Variants in ST6GALNAC3 observed in about 807,000 individuals in gnomAD.
The protein encoded by ST6GALNAC3 is alpha-N-acetylgalactosaminide alpha-2,6-sialyltransferase 3.
In ST6GALNAC3, 25 loss-of-function variants were observed where a neutral mutation model predicts 32.7. The ratio of observed to expected loss-of-function variants is 0.76; its 90% CI spans 0.56 to 1.07. ST6GALNAC3 has a LOEUF of 1.07. ST6GALNAC3 is among the 50% of genes least tolerant of loss of function. ST6GALNAC3 has a pLI of 0.00. For synonymous variants in ST6GALNAC3, 129 were observed against 133.1 expected (o/e 0.97, Z 0.21); for missense variants, 355 against 382.4 (o/e 0.93, Z 0.60).
In ST6GALNAC3 at chr1:76,198,878, T is replaced by C. The variant is rs533446774; in HGVS notation, c.19-114927T>C. On this transcript the variant is annotated intron_variant, in intron 1 of 4. Transcript: ENST00000328299. ...AGCAACTAGAGGGTAGTTGAAACTC[T>C]GGGCAAGGCTAATTAAGAAAGGCTC... Among the ~76,000 whole-genome samples, 60 of 152,232 alleles carry C rather than the reference T, an allele frequency of 3.9e-4. 2 individuals are homozygous for C. The highest frequency in any genetic ancestry group is 1.3e-3 in the African/African-American group (55 of 41,544).
Position 76,372,821 on chromosome 1 carries a change from T to C in ST6GALNAC3, c.214-39187T>C, listed in dbSNP as rs1423437150. On this transcript the variant is annotated intron_variant, in intron 2 of 4. Coordinates refer to ENST00000328299, the MANE Select transcript of ST6GALNAC3 (RefSeq NM_152996.4). ...TGGGAGTGTTACTTCCACACTTTGCTGGGTGGAGCAAACCTATCTCCTCAC... is the reference window on the plus strand; with the variant it reads ...TGGGAGTGTTACTTCCACACTTTGCCGGGTGGAGCAAACCTATCTCCTCAC... Among the ~76,000 whole-genome samples the C allele has an allele frequency of 2.6e-5, 4 of 152,166 alleles. No individual in the cohort carries two copies. The South Asian group carries it at 6.2e-4, about 24-fold the overall frequency.
intron 3 of ST6GALNAC3, among the ~76,000 whole-genome samples, chr1:76,533,319 A>G (rs1030785752): frequency 1.6e-4 from 16 of 100,270 alleles, no homozygotes; most frequent in African/African-American, 6.4e-4. Flanking sequence ...TTCCTTCTCC[A>G]TCTGCTCCTC....
chr1:76,573,663 C>CCT (rs1356676381), intron 3 of ST6GALNAC3, among the ~76,000 whole-genome samples: 1 of 121,522 alleles, frequency 8.2e-6, no homozygotes, highest in Non-Finnish European at 1.6e-5. Flanking sequence ...CCTTTCTTCT[C>CCT]CTTTTTTTTT....
At chr1:76,270,507 CAAAAAAAA>C (rs34410935) in intron 1 of ST6GALNAC3, among the ~76,000 whole-genome samples, 1,310 of 64,200 alleles carry the variant, frequency 0.02, 16 homozygotes, top group Middle Eastern at 0.08. Context: ...AACTCTGTCT[CAAAAAAAA>C]AAAAAAAAAA....
At chr1:76,313,607 G>T in intron 1 of ST6GALNAC3, 198 bp from the exon 2 acceptor site, 1 of 697,082 alleles carries the variant, frequency 1.4e-6, no homozygotes, top group Admixed American at 2.0e-5. Context: ...AAGCAGCTCT[G>T]CTTGCTCTCA....
chr1:76,235,439 C>T (rs72675938), intron 1 of ST6GALNAC3, among the ~76,000 whole-genome samples: 12,089 of 151,930 alleles, frequency 0.08, 1,274 homozygotes, highest in African/African-American at 0.24. Flanking sequence ...CCTGAGAGAT[C>T]GAGGCTGCAG....
chr1:76,115,173 C>T (rs1232189827), intron 1 of ST6GALNAC3, among the ~76,000 whole-genome samples: 1 of 151,958 alleles, frequency 6.6e-6, no homozygotes, highest in African/African-American at 2.4e-5. Flanking sequence ...TATAGGATCC[C>T]TTGTTAGATA....
intron 1 of ST6GALNAC3, among the ~76,000 whole-genome samples, chr1:76,099,747 T>G (rs1647187158): frequency 1.3e-5 from 2 of 152,140 alleles, no homozygotes; most frequent in Admixed American, 1.3e-4. Flanking sequence ...CAGAGATCAC[T>G]AAACCACATC....
At chr1:76,357,169 C>T (rs1320941207) in intron 2 of ST6GALNAC3, among the ~76,000 whole-genome samples, 2 of 105,182 alleles carry the variant, frequency 1.9e-5, no homozygotes, top group Admixed American at 1.4e-4. Context: ...GAGTCTTACT[C>T]TGTTACCCAG....
chr1:76,486,600 A>T (rs1660132381), intron 3 of ST6GALNAC3, among the ~76,000 whole-genome samples: 1 of 151,602 alleles, frequency 6.6e-6, no homozygotes, highest in Admixed American at 6.6e-5. Context: ...CCATCCCTTT[A>T]TTTTGAGCCT....
intron 3 of ST6GALNAC3, among the ~76,000 whole-genome samples, chr1:76,466,344 T>C (rs1228439922): frequency 2.0e-5 from 3 of 152,232 alleles, no homozygotes; most frequent in Non-Finnish European, 4.4e-5. Context: ...CTTCTTATTC[T>C]GACTACCAGT....
At chr1:76,099,071 TTG>T (rs1446130363) in intron 1 of ST6GALNAC3, among the ~76,000 whole-genome samples, 1 of 152,132 alleles carries the variant, frequency 6.6e-6, no homozygotes, top group Non-Finnish European at 1.5e-5. Flanking sequence ...GTTCATATGT[TTG>T]AGTCTTTTTC....
intron 2 of ST6GALNAC3, among the ~76,000 whole-genome samples, chr1:76,360,517 T>C (rs1468911913): frequency 6.6e-6 from 1 of 152,172 alleles, no homozygotes; most frequent in Non-Finnish European, 1.5e-5. Flanking sequence ...ATTTCAAATA[T>C]TTTCTACCCC....
intron 3 of ST6GALNAC3, among the ~76,000 whole-genome samples, chr1:76,457,404 T>C (rs1180023035): frequency 2.6e-5 from 4 of 152,124 alleles, no homozygotes; most frequent in Non-Finnish European, 5.9e-5. Flanking sequence ...AAGTCAATCC[T>C]AAGCCAAAAG....
intron 3 of ST6GALNAC3, among the ~76,000 whole-genome samples, chr1:76,597,547 CTCTT>C (rs1275811436): frequency 6.6e-6 from 1 of 151,872 alleles, no homozygotes; most frequent in African/African-American, 2.4e-5. Context: ...TATCTAGAGA[CTCTT>C]TGTTCTACTT....
At chr1:76,606,160 A>AT (rs1647532025) in intron 3 of ST6GALNAC3, among the ~76,000 whole-genome samples, 2 of 152,134 alleles carry the variant, frequency 1.3e-5, no homozygotes. Flanking sequence ...CAGTGGGGTG[A>AT]TTCCTCAAAG....
intron 1 of ST6GALNAC3, among the ~76,000 whole-genome samples, chr1:76,159,831 G>A (rs999920586): frequency 1.3e-5 from 2 of 152,196 alleles, no homozygotes; most frequent in African/African-American, 4.8e-5. Flanking sequence ...CCATGGATTA[G>A]CTAATTTAAT....
chr1:76,546,937 C>T (rs572879615), intron 3 of ST6GALNAC3, among the ~76,000 whole-genome samples: 15 of 152,090 alleles, frequency 9.9e-5, no homozygotes, highest in East Asian at 9.7e-4. Context: ...TTCAAGAGCC[C>T]GAGGAAGGAT....
chr1:76,494,550 A>ACAC (rs1660718850), intron 3 of ST6GALNAC3, among the ~76,000 whole-genome samples: 1 of 63,810 alleles, frequency 1.6e-5, no homozygotes. Context: ...CATGTGTATA[A>ACAC]ACACACACAC....
Sources: gnomAD v4.1 joint callset for allele counts (sites outside exome capture counted in the v4.1 genomes callset) on GRCh38, gnomAD v4.1.1 for gene constraint, MANE v1.5 for transcripts, NCBI Gene and HGNC (gene_info 2026-07-23, HGNC 2026-07-21) for gene names.